Variants in OVGP1 observed in about 807,000 individuals in gnomAD.
OVGP1 encodes the protein oviduct-specific glycoprotein.
In OVGP1, 26 loss-of-function variants were observed where a neutral mutation model predicts 48.2. That is an observed-to-expected ratio of 0.54 (90% confidence interval 0.40 to 0.75). The LOEUF (loss-of-function observed/expected upper bound fraction) is 0.75, where lower values mean the gene tolerates loss of function less well. Ranked by LOEUF, OVGP1 falls within the 30% of genes least tolerant of loss-of-function variation. OVGP1 has a pLI of 0.00. For synonymous variants in OVGP1, 294 were observed against 305.7 expected (o/e 0.96, Z 0.40); for missense variants, 791 against 820.6 (o/e 0.96, Z 0.44).
At chr1:111,425,016 C>T (rs531375794) in intron 4 of OVGP1, among the ~76,000 whole-genome samples, 11 of 152,336 alleles carry the variant, frequency 7.2e-5, no homozygotes, top group Admixed American at 5.9e-4. Context: ...CCTGGATCCA[C>T]TAATAAAGTG....
At chr1:111,425,348 C>T (rs1443106292) in intron 4 of OVGP1, 35 bp downstream of exon 4, 1 of 1,612,744 alleles carries the variant, frequency 6.2e-7, no homozygotes, top group Admixed American at 1.7e-5. Flanking sequence ...CTGCTCCACC[C>T]TCCCAGGGAG....
intron 10 of OVGP1, among the ~76,000 whole-genome samples, chr1:111,415,863 A>T (rs1169027957): frequency 1.3e-5 from 2 of 152,180 alleles, no homozygotes; most frequent in African/African-American, 4.8e-5. Context: ...CGCATTACCC[A>T]TAAAATGAAG....
intron 5 of OVGP1, 45 bp from the exon 6 acceptor site, chr1:111,423,096 A>T: frequency 6.2e-7 from 1 of 1,611,246 alleles, no homozygotes; most frequent in Non-Finnish European, 8.5e-7. Flanking sequence ...ACAAACAGAG[A>T]GGCGGGGCCT....
rs1397150899 is a variant in OVGP1 at position 111,414,643 on chromosome 1, T to A, written c.1858A>T (p.Met620Leu). ...LGLQMEAENRMMLSSSPVIQL... is the reference protein window; with the variant it reads ...LGLQMEAENRLMLSSSPVIQL... ...ATGACGGGGCTGGAGGACAGCATCA[T>A]CCTGTTTTCAGCTTCCATCTGAAGA... The change falls in exon 11 of 11, where the codon ATG becomes TTG. Residue 620 changes from methionine (M) to leucine (L), a missense_variant. Met to Leu is a conservative substitution (Grantham distance 15, BLOSUM62 2). Coordinates refer to ENST00000369732, the MANE Select transcript of OVGP1 (RefSeq NM_002557.4). The A allele has an allele frequency of 4.3e-6, 7 of 1,614,070 alleles. No homozygotes were observed. The highest frequency in any genetic ancestry group is 5.9e-6 in the Non-Finnish European group (7 of 1,180,048).
chr1:111,426,365 C>A, intron 3 of OVGP1, 72 bp downstream of exon 3: 1 of 1,603,824 alleles, frequency 6.2e-7, no homozygotes, highest in Non-Finnish European at 8.5e-7. Context: ...TGAAGAGTAA[C>A]AGGAGAAATA....
chr1:111,416,123 T>C (rs1035940232), intron 10 of OVGP1, among the ~76,000 whole-genome samples, 200 bp downstream of exon 10: 2 of 152,164 alleles, frequency 1.3e-5, no homozygotes, highest in Non-Finnish European at 2.9e-5. Flanking sequence ...CCATTTTAAA[T>C]AGAACAAAGG....
At position 111,414,482 on chromosome 1, in the gene OVGP1, A is replaced by G. The variant is rs1417683803; in HGVS notation, c.2019T>C (p.Ala673=). ...GAGGGGCTTAGGCTTCTTCATCCAC[A>G]GCAGAGTTTTCTGGGATTTCTTTTT... is the stretch of plus-strand genomic sequence containing the variant. ...SLKKEIPENS[A]VDEEA is the part of the protein sequence containing the mutation. The change falls in exon 11 of 11, where the codon GCT becomes GCC. Residue 673 remains alanine, a synonymous_variant. Transcript: ENST00000369732. The G allele has an allele frequency of 6.2e-7, 1 of 1,612,786 alleles. No homozygotes were observed. The highest frequency in any genetic ancestry group is 2.2e-5 in the East Asian group (1 of 44,868).
intron 10 of OVGP1, among the ~76,000 whole-genome samples, 169 bp from the exon 11 acceptor site, chr1:111,415,513 T>C (rs551975458): frequency 1.3e-5 from 2 of 152,248 alleles, no homozygotes; most frequent in East Asian, 1.9e-4. Flanking sequence ...TCCCACCACA[T>C]AGAAGCCTTG....
At chr1:111,424,538 C>T (rs1339903156) in intron 4 of OVGP1, among the ~76,000 whole-genome samples, 1 of 152,228 alleles carries the variant, frequency 6.6e-6, no homozygotes, top group Non-Finnish European at 1.5e-5. Flanking sequence ...GTGCTTTCTG[C>T]TCTACCAATT....
Position 111,414,502 on chromosome 1 carries a change from CT to C in OVGP1, c.1998del (p.Glu667LysfsTer30). 1.2e-6 allele frequency: 2 copies of C among 1,612,730 alleles called. No homozygotes were observed. The highest frequency in any genetic ancestry group is 1.3e-5 in the African/African-American group (1 of 74,902). On this transcript the variant is annotated frameshift_variant, in exon 11 of 11. Transcript: ENST00000369732. LOFTEE classifies it high-confidence loss of function. ...TPQTSPLSLK[K>X]EIPENSAVDE... ...TCCACAGCAGAGTTTTCTGGGATTT[CT>C]TTTTTTAGAGAAAGAGGACTTGTTT...
intron 3 of OVGP1, among the ~76,000 whole-genome samples, chr1:111,425,983 G>C (rs1328719736): frequency 6.6e-6 from 1 of 152,128 alleles, no homozygotes; most frequent in African/African-American, 2.4e-5. Context: ...CACTTACTGA[G>C]CACCAACCCT....
chr1:111,421,618 A>C lies in OVGP1; in HGVS notation c.664T>G (p.Phe222Val), dbSNP rs1239562022. The C allele has an allele frequency of 1.9e-6, 3 of 1,613,382 alleles. No homozygotes were observed. The highest frequency in any genetic ancestry group is 2.5e-6 in the Non-Finnish European group (3 of 1,179,322). ...AAGAGGGGGCTATTATGTCCTGTGA[A>C]CCTTTCCCAACTTCCATGTAAGTCA... The part of the protein sequence containing the change: ...SYDLHGSWER[F>V]TGHNSPLFSL... Residue 222 changes from phenylalanine to valine, a missense_variant, in exon 7 of 11, where the codon TTC becomes GTC. Coordinates refer to ENST00000369732, the MANE Select transcript of OVGP1 (RefSeq NM_002557.4).
intron 10 of OVGP1, 84 bp from the exon 11 acceptor site, chr1:111,415,428 AG>A (rs1652109926): frequency 2.4e-6 from 3 of 1,258,120 alleles, no homozygotes; most frequent in Non-Finnish European, 3.3e-6. Context: ...GAACCAATCC[AG>A]GGCTGAAGTA....
Position 111,421,429 on chromosome 1 carries a change from C to T in OVGP1, c.750G>A (p.Gly250=). 1 of 1,611,776 alleles carries T rather than the reference C, an allele frequency of 6.2e-7. No homozygotes were observed. The change falls in exon 8 of 11, where the codon GGG becomes GGA. Residue 250 remains glycine, a synonymous_variant. Transcript: ENST00000369732. ...CCATGATGAGCTTCTCTGAGGGTGC[C>T]CCAAGCTTTCTCCAATAATTCATAG... The part of the protein sequence containing the change: ...AYAMNYWRKL[G]APSEKLIMGI...
At chr1:111,426,876 T>C in intron 2 of OVGP1, 186 bp downstream of exon 2, 1 of 1,548,480 alleles carries the variant, frequency 6.5e-7, no homozygotes, top group Admixed American at 2.0e-5. Flanking sequence ...TTCTCAAGTC[T>C]GGACCAAGGC....
Position 111,419,645 on chromosome 1 carries a change from C to A in OVGP1, c.985G>T (p.Val329Phe), listed in dbSNP as rs1652212574. ...AAGCTGATGGCATTGTCATAGCCAA[C>A]CCACTCTTTCCCCTTGTTGGCATAC... ...VPYANKGKEW[V>F]GYDNAISFSY... The change falls in exon 9 of 11, where the codon GTT becomes TTT. Residue 329 changes from valine (V) to phenylalanine (F), a missense_variant. Physicochemically the swap from Val to Phe is conservative, Grantham distance 50 (BLOSUM62 -1). Transcript: ENST00000369732. 1 of 1,612,240 alleles carries A rather than the reference C, an allele frequency of 6.2e-7. No individual in the cohort carries two copies. Among genetic ancestry groups the A allele is most frequent in the Non-Finnish European group, 8.5e-7 (1 of 1,178,578 alleles).
chr1:111,425,805 A>T (rs552635834), intron 3 of OVGP1, among the ~76,000 whole-genome samples: 1 of 152,352 alleles, frequency 6.6e-6, no homozygotes, highest in East Asian at 1.9e-4. Flanking sequence ...TGCTTTAGGC[A>T]CTTTAGAACA....
intron 9 of OVGP1, among the ~76,000 whole-genome samples, chr1:111,419,342 C>G (rs1284078481): frequency 6.6e-6 from 1 of 152,032 alleles, no homozygotes; most frequent in African/African-American, 2.4e-5. Flanking sequence ...AGGAAGAGAC[C>G]AAAAAGATCA....
intron 10 of OVGP1, among the ~76,000 whole-genome samples, 178 bp downstream of exon 10, chr1:111,416,145 G>A (rs1022917832): frequency 1.4e-4 from 22 of 152,136 alleles, no homozygotes; most frequent in Admixed American, 5.2e-4. Context: ...AGCTCAAAGA[G>A]GTCAAATAAG....
Sources: allele counts gnomAD v4.1 joint callset (sites outside exome capture counted in the v4.1 genomes callset), GRCh38; gene constraint gnomAD v4.1.1; transcripts MANE v1.5; gene names NCBI Gene and HGNC (gene_info 2026-07-23, HGNC 2026-07-21).